Variants in CDIN1 observed in about 807,000 individuals in gnomAD.
CDIN1 encodes the protein CDAN1 interacting nuclease 1.
In CDIN1, 33 loss-of-function variants were observed where a neutral mutation model predicts 45.3. That is an observed-to-expected ratio of 0.73 (90% CI 0.55 to 0.97). The LOEUF is 0.97. Ranked by LOEUF, CDIN1 falls within the 50% of genes least tolerant of loss-of-function variation. The pLI is 0.00. For synonymous variants in CDIN1, 118 were observed against 124.4 expected, an observed-to-expected ratio of 0.95 and a Z score of 0.34; for missense variants, 303 against 339.4, an observed-to-expected ratio of 0.89 and a Z score of 0.84.
chr15:36,587,824 T>A (rs986232367), intron 1 of CDIN1, among the ~76,000 whole-genome samples: 1 of 152,142 alleles, frequency 6.6e-6, no homozygotes, highest in Non-Finnish European at 1.5e-5. Flanking sequence ...GGCTAGGAAG[T>A]AGAGGAAGCA....
intron 1 of CDIN1, among the ~76,000 whole-genome samples, chr15:36,585,230 T>C (rs138074563): frequency 9.6e-4 from 146 of 152,360 alleles, no homozygotes; most frequent in African/African-American, 3.2e-3. Context: ...CTTCTCTTAA[T>C]GTTAACATTA....
At chr15:36,729,079 TC>T (rs1306800454) in intron 10 of CDIN1, among the ~76,000 whole-genome samples, 2 of 152,244 alleles carry the variant, frequency 1.3e-5, no homozygotes, top group Non-Finnish European at 1.5e-5. Context: ...AACCTTGTTT[TC>T]TATTTAATTC....
chr15:36,734,443 G>A, intron 10 of CDIN1: 1 of 378,624 alleles, frequency 2.6e-6, no homozygotes, highest in Non-Finnish European at 5.1e-6. Context: ...ACTGAGTTCA[G>A]TCCTAAAGCT....
chr15:36,801,693 C>T (rs1250941793), intron 10 of CDIN1, among the ~76,000 whole-genome samples: 2 of 152,178 alleles, frequency 1.3e-5, no homozygotes, highest in Admixed American at 6.5e-5. Flanking sequence ...CCCTTCACAG[C>T]GTGAGACATT....
chr15:36,675,024 T>C (rs999959615), intron 5 of CDIN1, among the ~76,000 whole-genome samples: 4 of 152,034 alleles, frequency 2.6e-5, no homozygotes, highest in South Asian at 4.2e-4. Flanking sequence ...CAACCCTTTT[T>C]CCCCTCATAA....
At chr15:36,740,582 C>G (rs1264492314) in intron 10 of CDIN1, among the ~76,000 whole-genome samples, 1 of 152,082 alleles carries the variant, frequency 6.6e-6, no homozygotes, top group South Asian at 2.1e-4. Context: ...TTCTTCAAAT[C>G]ATGCTGAATA....
chr15:36,694,142 C>A (rs7495845), intron 7 of CDIN1, among the ~76,000 whole-genome samples: 119,033 of 152,134 alleles, frequency 0.78, 46,748 homozygotes, highest in East Asian at 0.98. Context: ...AAAATTTCAA[C>A]TTGGTGATTG....
chr15:36,615,690 G>A (rs1048148500), intron 1 of CDIN1, among the ~76,000 whole-genome samples: 1 of 152,160 alleles, frequency 6.6e-6, no homozygotes, highest in Non-Finnish European at 1.5e-5. Flanking sequence ...CCCTGAAACA[G>A]CAGTGCGAGT....
At position 36,674,811 on chromosome 15, in the gene CDIN1, C is replaced by T. The variant is rs112306300; in HGVS notation, c.347-16874C>T. On this transcript the variant is annotated intron_variant, in intron 5 of 10. Transcript: ENST00000566621. ...TCCCAGTTTATTGATTATCCATTAT[C>T]GTTTGTCATGAGGCGTCCTAACTCA... 5.5e-3 allele frequency among the ~76,000 whole-genome samples: 841 copies of T among 152,146 alleles called. 6 individuals carry two copies. Among genetic ancestry groups the T allele is most frequent in the Non-Finnish European group, 9.4e-3 (638 of 67,976 alleles).
intron 10 of CDIN1, among the ~76,000 whole-genome samples, chr15:36,722,058 T>C (rs2043440697): frequency 6.6e-6 from 1 of 152,166 alleles, no homozygotes; most frequent in South Asian, 2.1e-4. Flanking sequence ...TTATGTCATC[T>C]ATTTTGTTTT....
At chr15:36,751,229 T>TTTTATATATATATATA (rs568110101) in intron 10 of CDIN1, among the ~76,000 whole-genome samples, 20 of 97,574 alleles carry the variant, frequency 2.0e-4, no homozygotes, top group African/African-American at 7.8e-4. Context: ...TATGCTTATT[T>TTTTATATATATATATA]TATATATATA....
chr15:36,755,230 C>G (rs1294519954), intron 10 of CDIN1, among the ~76,000 whole-genome samples: 1 of 152,134 alleles, frequency 6.6e-6, no homozygotes, highest in Admixed American at 6.6e-5. Flanking sequence ...TTCCTGCTGT[C>G]AAAAGGCTCT....
chr15:36,730,103 A>G (rs1287237959), intron 10 of CDIN1, among the ~76,000 whole-genome samples: 1 of 152,142 alleles, frequency 6.6e-6, no homozygotes, highest in African/African-American at 2.4e-5. Context: ...TGACCTATTC[A>G]TATCTACCTA....
At chr15:36,628,687 G>A (rs1389325188) in intron 1 of CDIN1, among the ~76,000 whole-genome samples, 1 of 152,178 alleles carries the variant, frequency 6.6e-6, no homozygotes, top group Non-Finnish European at 1.5e-5. Context: ...TATCTGGCAT[G>A]TGGGTCAGAT....
At chr15:36,625,115 A>C (rs532428331) in intron 1 of CDIN1, among the ~76,000 whole-genome samples, 3 of 151,990 alleles carry the variant, frequency 2.0e-5, no homozygotes, top group East Asian at 3.9e-4. Context: ...GTCTCTACTA[A>C]AAATACAAAA....
intron 10 of CDIN1, among the ~76,000 whole-genome samples, chr15:36,762,472 G>A (rs1283874806): frequency 6.7e-6 from 1 of 148,996 alleles, no homozygotes; most frequent in Non-Finnish European, 1.5e-5. Context: ...CCCATATGTT[G>A]TTTTGTTTTG....
intron 10 of CDIN1, among the ~76,000 whole-genome samples, chr15:36,712,189 T>G (rs1055278169): frequency 1.3e-5 from 2 of 152,038 alleles, no homozygotes; most frequent in African/African-American, 4.8e-5. Context: ...ATTACCTAAT[T>G]GTCCCACTAT....
At chr15:36,695,807 A>G (rs950786792) in intron 7 of CDIN1, among the ~76,000 whole-genome samples, 18 of 151,956 alleles carry the variant, frequency 1.2e-4, no homozygotes, top group Admixed American at 3.9e-4. Flanking sequence ...AGATTGTGCC[A>G]CTGCACTCCA....
chr15:36,759,099 T>C (rs56051308), intron 10 of CDIN1, among the ~76,000 whole-genome samples: 16,733 of 151,798 alleles, frequency 0.11, 999 homozygotes, highest in Non-Finnish European at 0.14. Context: ...TTGTCCAAGG[T>C]TTTCATCGAG....
Sources: gnomAD v4.1 joint callset for allele counts (sites outside exome capture counted in the v4.1 genomes callset) on GRCh38, gnomAD v4.1.1 for gene constraint, MANE v1.5 for transcripts, NCBI Gene and HGNC (gene_info 2026-07-23, HGNC 2026-07-21) for gene names.